CCDC60: variants seen among roughly 807,000 people sequenced by gnomAD.
CCDC60 encodes the protein coiled-coil domain-containing protein 60.
CCDC60 carries 54 observed loss-of-function variants against 63.5 expected under a neutral mutation model. That is an observed-to-expected ratio of 0.85 (90% CI 0.68 to 1.07). CCDC60 has a LOEUF of 1.07. Among genes scored for constraint, CCDC60 ranks in the 50% least tolerant of loss-of-function variants. CCDC60 has a pLI of 0.00. For missense variants in CCDC60, 651 were observed against 684.3 expected (o/e 0.95, Z 0.54); for synonymous variants, 206 against 238.8 (o/e 0.86, Z 1.27).
chr12:119,479,212 T>G lies in CCDC60; in HGVS notation c.449+11T>G. The G allele has an allele frequency of 6.3e-7, 1 of 1,588,290 alleles. No individual in the cohort carries two copies. Among genetic ancestry groups the G allele is most frequent in the Non-Finnish European group, 8.6e-7 (1 of 1,156,870 alleles). On this transcript the variant is annotated intron_variant, in intron 4 of 13. Coordinates refer to ENST00000327554, the MANE Select transcript of CCDC60 (RefSeq NM_178499.5). ...AACCGAGGCTCACGTGTAAGTAGTC[T>G]CACCTCCAGCTCATTTGCTTTGCTA...
chr12:119,441,865 T>A (rs1362436218), intron 2 of CCDC60, among the ~76,000 whole-genome samples: 1 of 152,202 alleles, frequency 6.6e-6, no homozygotes, highest in African/African-American at 2.4e-5. Flanking sequence ...TTATACTTTT[T>A]TTTTGCTGAA....
intron 2 of CCDC60, among the ~76,000 whole-genome samples, chr12:119,451,180 A>G (rs984958889): frequency 9.9e-5 from 15 of 152,200 alleles, no homozygotes; most frequent in African/African-American, 3.4e-4. Context: ...ACAGGGATGC[A>G]TTTTTCCACA....
chr12:119,443,521 C>T lies in CCDC60; in HGVS notation c.170+14759C>T, dbSNP rs114974450. Reference sequence around the variant, plus strand: ...TTGCAGCCCACTGTGGGGAAAGGGACGTGTCTGTCACTTTTCCAACCCGCA... The same window carrying T: ...TTGCAGCCCACTGTGGGGAAAGGGATGTGTCTGTCACTTTTCCAACCCGCA... On this transcript the variant is annotated intron_variant, in intron 2 of 13. Coordinates refer to ENST00000327554, the MANE Select transcript of CCDC60 (RefSeq NM_178499.5). Among the ~76,000 whole-genome samples the T allele has an allele frequency of 9.0e-3, 1,370 of 152,194 alleles. 23 individuals carry two copies. The highest frequency in any genetic ancestry group is 0.031 in the African/African-American group (1,284 of 41,524).
chr12:119,540,386 C>A lies in CCDC60; in HGVS notation c.1552-228C>A, dbSNP rs552498457. ...TCCCCAAATTTCCTTGCATCGATAG[C>A]AACAAGAAGGGGCTTAACATTAGCC... On this transcript the variant is annotated intron_variant, in intron 13 of 13. Coordinates refer to ENST00000327554, the MANE Select transcript of CCDC60 (RefSeq NM_178499.5). Among the ~76,000 whole-genome samples the A allele has an allele frequency of 7.4e-4, 113 of 152,272 alleles. 1 individual carries two copies. The highest frequency in any genetic ancestry group is 2.6e-3 in the African/African-American group (109 of 41,548).
chr12:119,537,443 T>C (rs1221776923), intron 13 of CCDC60, among the ~76,000 whole-genome samples: 1 of 152,244 alleles, frequency 6.6e-6, no homozygotes, highest in African/African-American at 2.4e-5. Context: ...CCATCCCGCT[T>C]TGTTCCATTG....
intron 3 of CCDC60, among the ~76,000 whole-genome samples, chr12:119,478,603 CTTT>C (rs35215523): frequency 6.9e-5 from 6 of 87,088 alleles, no homozygotes; most frequent in African/African-American, 9.3e-5. Flanking sequence ...AAGGCAGGGA[CTTT>C]TTTTTTTTTT....
At chr12:119,484,685 C>T (rs956819952) in intron 4 of CCDC60, among the ~76,000 whole-genome samples, 1 of 151,964 alleles carries the variant, frequency 6.6e-6, no homozygotes, top group Non-Finnish European at 1.5e-5. Flanking sequence ...CGCACTCCAT[C>T]CTGGGCAACA....
chr12:119,362,150 T>C (rs1157128663), intron 1 of CCDC60, among the ~76,000 whole-genome samples: 1 of 152,206 alleles, frequency 6.6e-6, no homozygotes, highest in Non-Finnish European at 1.5e-5. Context: ...ACTTACCTAC[T>C]TGTATGTATT....
At chr12:119,372,020 G>A (rs2136176559) in intron 1 of CCDC60, among the ~76,000 whole-genome samples, 2 of 152,174 alleles carry the variant, frequency 1.3e-5, no homozygotes, top group African/African-American at 4.8e-5. Context: ...CACTTTGGGA[G>A]GCCAAGGCGG....
chr12:119,355,587 C>T (rs1050816943), intron 1 of CCDC60, among the ~76,000 whole-genome samples: 10 of 152,106 alleles, frequency 6.6e-5, no homozygotes, highest in Non-Finnish European at 1.0e-4. Context: ...CTTGGCTTTG[C>T]CCAGGGAAGA....
intron 1 of CCDC60, among the ~76,000 whole-genome samples, chr12:119,399,909 T>C (rs947385389): frequency 6.6e-5 from 10 of 152,194 alleles, no homozygotes; most frequent in Non-Finnish European, 1.3e-4. Flanking sequence ...TGCCTAATAT[T>C]ACACCACTTG....
intron 1 of CCDC60, among the ~76,000 whole-genome samples, chr12:119,367,748 T>C (rs554168584): frequency 1.3e-5 from 2 of 152,174 alleles, no homozygotes; most frequent in South Asian, 4.1e-4. Context: ...GAAAACGTTA[T>C]GCAAAATGAA....
At chr12:119,482,135 C>CAT (rs201607729) in intron 4 of CCDC60, among the ~76,000 whole-genome samples, 2,674 of 141,470 alleles carry the variant, frequency 0.019, 75 homozygotes, top group African/African-American at 0.062. Flanking sequence ...TATATATACA[C>CAT]ATATATATAC....
At chr12:119,360,063 G>A (rs1282891018) in intron 1 of CCDC60, among the ~76,000 whole-genome samples, 122 of 152,126 alleles carry the variant, frequency 8.0e-4, no homozygotes, top group African/African-American at 1.6e-3. Context: ...CCTCCCAGAC[G>A]GGGTGGTGGC....
chr12:119,336,483 T>C (rs976737513), intron 1 of CCDC60, among the ~76,000 whole-genome samples: 25 of 152,186 alleles, frequency 1.6e-4, no homozygotes, highest in Admixed American at 1.6e-3. Context: ...AGATGAATTG[T>C]AGGTTTGCCG....
At chr12:119,365,173 A>C (rs912221694) in intron 1 of CCDC60, among the ~76,000 whole-genome samples, 3 of 152,246 alleles carry the variant, frequency 2.0e-5, no homozygotes, top group African/African-American at 7.2e-5. Context: ...TGGTCATAGC[A>C]GGATTCGAAC....
chr12:119,449,040 C>T (rs1269808870), intron 2 of CCDC60, among the ~76,000 whole-genome samples: 1 of 152,188 alleles, frequency 6.6e-6, no homozygotes, highest in Non-Finnish European at 1.5e-5. Context: ...TTTTAGGTTG[C>T]TGTCACTGTG....
intron 2 of CCDC60, among the ~76,000 whole-genome samples, chr12:119,442,741 T>C (rs1950472528): frequency 6.6e-6 from 1 of 152,258 alleles, no homozygotes; most frequent in Non-Finnish European, 1.5e-5. Context: ...GAATGTAGCA[T>C]TATTTACCTA....
Position 119,481,025 on chromosome 12 carries a change from CCAT to C in CCDC60, c.449+1836_449+1838del, listed in dbSNP as rs772195075. ...ATCATCATCACCATCGTCCTCACCA[CCAT>C]CATCATCATCACCATCATCCTCACC... On this transcript the variant is annotated intron_variant, in intron 4 of 13. Coordinates refer to ENST00000327554, the MANE Select transcript of CCDC60 (RefSeq NM_178499.5). 9.1e-3 allele frequency among the ~76,000 whole-genome samples: 1,336 copies of C among 147,556 alleles called. 13 individuals are homozygous for C. Among genetic ancestry groups the C allele is most frequent in the Middle Eastern group, 0.014 (4 of 278 alleles).
Sources: gnomAD v4.1 joint callset for allele counts (sites outside exome capture counted in the v4.1 genomes callset) on GRCh38, gnomAD v4.1.1 for gene constraint, MANE v1.5 for transcripts, NCBI Gene and HGNC (gene_info 2026-07-23, HGNC 2026-07-21) for gene names.